Variants in CFAP69 observed in about 807,000 individuals in gnomAD.
CFAP69 encodes cilia and flagella associated protein 69, also known as cilia- and flagella-associated protein 69.
Under a neutral mutation model 123.0 loss-of-function variants are expected in CFAP69, and 92 were observed. The observed-to-expected ratio is 0.75, with a 90% confidence interval of 0.63 to 0.89. The LOEUF is 0.89. Ranked by LOEUF, CFAP69 falls within the 40% of genes least tolerant of loss-of-function variation. The pLI, the probability that CFAP69 is intolerant of heterozygous loss-of-function variation, is 0.00. For missense variants in CFAP69, 1,067 were observed against 1,096.9 expected (o/e 0.97, Z 0.39); for synonymous variants, 380 against 364.3 (o/e 1.04, Z -0.49).
intron 14 of CFAP69, 69 bp from the exon 15 acceptor site, chr7:90,288,165 G>C: frequency 7.8e-7 from 1 of 1,286,722 alleles, no homozygotes; most frequent in Non-Finnish European, 1.1e-6. Context: ...TTAGGGGACC[G>C]ATAAAGTAGG....
chr7:90,245,723 A>G (rs1022122121), intron 1 of CFAP69, among the ~76,000 whole-genome samples, 179 bp downstream of exon 1: 13 of 152,200 alleles, frequency 8.5e-5, no homozygotes, highest in African/African-American at 2.9e-4. Context: ...TGCGAACTGC[A>G]CCGGTTGCGA....
intron 1 of CFAP69, 90 bp from the exon 2 acceptor site, chr7:90,255,333 C>A: frequency 9.9e-7 from 1 of 1,009,480 alleles, no homozygotes; most frequent in Non-Finnish European, 1.5e-6. Context: ...TTTAAGTTAC[C>A]AAGGGAAAGT....
chr7:90,250,548 G>A (rs113249735), intron 1 of CFAP69, among the ~76,000 whole-genome samples: 264 of 152,280 alleles, frequency 1.7e-3, no homozygotes, highest in African/African-American at 5.3e-3. Context: ...TGGGAAATAA[G>A]TTCATCCTAT....
At chr7:90,250,265 A>C (rs1011550533) in intron 1 of CFAP69, among the ~76,000 whole-genome samples, 4 of 150,090 alleles carry the variant, frequency 2.7e-5, no homozygotes, top group Non-Finnish European at 5.9e-5. Context: ...GGAGTCAGGC[A>C]GAGAACTAAG....
intron 15 of CFAP69, among the ~76,000 whole-genome samples, chr7:90,289,164 A>G (rs531005706): frequency 1.3e-5 from 2 of 152,144 alleles, no homozygotes; most frequent in East Asian, 3.9e-4. Context: ...TCTGTCCAGT[A>G]TACACCTAGA....
Position 90,245,469 on chromosome 7 carries a change from C to T in CFAP69, c.45C>T (p.Ser15=). 2 of 1,552,850 alleles carry T rather than the reference C, an allele frequency of 1.3e-6. No individual in the cohort carries two copies. Among genetic ancestry groups the T allele is most frequent in the Non-Finnish European group, 1.7e-6 (2 of 1,153,384 alleles). Residue 15 remains serine (S), a synonymous_variant, in exon 1 of 23, where the codon TCC becomes TCT. Coordinates refer to ENST00000389297, the MANE Select transcript of CFAP69 (RefSeq NM_001039706.3). The part of the protein sequence containing the change: ...EAGATAEAQE[S]GIRNKSSSSS... ...GGGCGACCGCCGAGGCCCAGGAATCCGGCATCAGGAACAAGTCTAGCAGTT... is the reference window on the plus strand; with the variant it reads ...GGGCGACCGCCGAGGCCCAGGAATCTGGCATCAGGAACAAGTCTAGCAGTT...
chr7:90,247,944 C>T (rs1260535842), intron 1 of CFAP69, among the ~76,000 whole-genome samples: 1 of 152,154 alleles, frequency 6.6e-6, no homozygotes, highest in African/African-American at 2.4e-5. Flanking sequence ...TAATTGAAAA[C>T]AAGCAGTTAT....
rs558172930 is a variant in CFAP69 at position 90,282,231 on chromosome 7, C to T, written c.1373-661C>T. ...GGTCATAGTGGCACACACCTGTAGT[C>T]CTAGCTTCTTGGGAGGCTGAGATGG... On this transcript the variant is annotated intron_variant, in intron 12 of 22. Transcript: ENST00000389297. Among the ~76,000 whole-genome samples, 7 of 151,768 alleles carry T rather than the reference C, an allele frequency of 4.6e-5. 1 individual carries two copies. Among genetic ancestry groups the T allele is most frequent in the African/African-American group, 1.7e-4 (7 of 41,380 alleles).
At chr7:90,292,199 G>C (rs1309488215) in intron 15 of CFAP69, among the ~76,000 whole-genome samples, 1 of 152,150 alleles carries the variant, frequency 6.6e-6, no homozygotes, top group Non-Finnish European at 1.5e-5. Context: ...TGTTCCATAA[G>C]GAATCTCAGA....
At chr7:90,311,729 T>G (rs2117510473), downstream of CFAP69, among the ~76,000 whole-genome samples, 1 of 152,294 alleles carries the variant, frequency 6.6e-6, no homozygotes, top group South Asian at 2.1e-4. Context: ...ATTGTTCTAA[T>G]TAGAATGAGT....
rs376246959 is a variant in CFAP69 at position 90,289,304 on chromosome 7, C to A, written c.1775+952C>A. Among the ~76,000 whole-genome samples, 5 of 152,202 alleles carry A rather than the reference C, an allele frequency of 3.3e-5. No homozygotes were observed. The East Asian group carries it at 9.7e-4, about 29-fold the overall frequency. On this transcript the variant is annotated intron_variant, in intron 15 of 22. Transcript: ENST00000389297. ...TGTGGAGGTTTCTCCTTTTTCCACA[C>A]CCTTACCAACACACTGCGTTGTATC... is the stretch of plus-strand genomic sequence containing the variant.
rs951705616 is a variant in CFAP69, at chr7:90,308,234, C to T, written c.2550+380C>T. ...GAGCAACTATCTTGTATTACTCTGTCCCCCAAGAGCTTTTCCCTCTGTGAT... is the reference window on the plus strand; with the variant it reads ...GAGCAACTATCTTGTATTACTCTGTTCCCCAAGAGCTTTTCCCTCTGTGAT... On this transcript the variant is annotated intron_variant, in intron 21 of 22. Coordinates refer to ENST00000389297, the MANE Select transcript of CFAP69 (RefSeq NM_001039706.3). Among the ~76,000 whole-genome samples, 3 of 152,038 alleles carry T rather than the reference C, an allele frequency of 2.0e-5. No homozygotes were observed. In the South Asian group the frequency reaches 6.2e-4, roughly 31 times the overall value.
Position 90,268,337 on chromosome 7 carries a change from G to A in CFAP69, c.485G>A (p.Cys162Tyr). Residue 162 changes from cysteine (C) to tyrosine (Y), a missense_variant, in exon 6 of 23, where the codon TGT becomes TAT. Physicochemically the swap from Cys to Tyr is radical, Grantham distance 194 (BLOSUM62 -2). Transcript: ENST00000389297. ...SSELRIQICK[C>Y]IVDFYHAEPP... ...GAATTGAGGATACAAATTTGTAAGTGTATTGTTGATTTTTATCATGCAGAA... is the reference window on the plus strand; with the variant it reads ...GAATTGAGGATACAAATTTGTAAGTATATTGTTGATTTTTATCATGCAGAA... The A allele has an allele frequency of 3.7e-6, 6 of 1,610,272 alleles. 1 individual carries two copies. In the South Asian group the frequency reaches 6.7e-5, roughly 18 times the overall value.
the CFAP69 span, chr7:90,317,452 G>A: frequency 1.4e-5 from 2 of 146,786 alleles, no homozygotes; most frequent in South Asian, 2.2e-4. Context: ...TGAGCTTAGG[G>A]ATCCACCCTT....
chr7:90,257,506 A>G (rs1797790332), intron 2 of CFAP69, among the ~76,000 whole-genome samples: 1 of 152,120 alleles, frequency 6.6e-6, no homozygotes, highest in African/African-American at 2.4e-5. Context: ...GACTTTAGTC[A>G]CCCTACTTTG....
the CFAP69 span, chr7:90,320,496 C>T: frequency 6.6e-6 from 1 of 152,182 alleles, no homozygotes; most frequent in African/African-American, 2.4e-5. Flanking sequence ...TTGCATGCCT[C>T]CTTGCCAACT....
chr7:90,290,447 G>C (rs1049051422), intron 15 of CFAP69, among the ~76,000 whole-genome samples: 9 of 152,188 alleles, frequency 5.9e-5, no homozygotes, highest in Admixed American at 3.3e-4. Flanking sequence ...TTTGCATTCT[G>C]TTTAGATCTT....
At chr7:90,252,205 G>C (rs1797113428) in intron 1 of CFAP69, among the ~76,000 whole-genome samples, 1 of 151,726 alleles carries the variant, frequency 6.6e-6, no homozygotes, top group Non-Finnish European at 1.5e-5. Flanking sequence ...CTGAGGTAGT[G>C]GTGGATATCA....
chr7:90,303,908 G>C, intron 17 of CFAP69, 61 bp from the exon 18 acceptor site: 1 of 1,449,066 alleles, frequency 6.9e-7, no homozygotes, highest in South Asian at 1.5e-5. Flanking sequence ...TCAAAATTAA[G>C]TATTTGTTTA....
Sources: gnomAD v4.1 joint callset for allele counts (sites outside exome capture counted in the v4.1 genomes callset) on GRCh38, gnomAD v4.1.1 for gene constraint, MANE v1.5 for transcripts, NCBI Gene and HGNC (gene_info 2026-07-23, HGNC 2026-07-21) for gene names.